DNAH2: variants seen among roughly 807,000 people sequenced by gnomAD.
The protein encoded by DNAH2 is dynein axonemal heavy chain 2.
A neutral mutation model predicts 523.5 loss-of-function variants in DNAH2; 323 were observed. The observed-to-expected ratio is 0.62, with a 90% confidence interval of 0.56 to 0.68. DNAH2 has a LOEUF of 0.68. Among genes scored for constraint, DNAH2 ranks in the 30% least tolerant of loss-of-function variants. The pLI is 0.00. For missense variants in DNAH2, 4,907 were observed against 5,701.5 expected (o/e 0.86, Z 4.49); for synonymous variants, 2,093 against 2,177.4 (o/e 0.96, Z 1.08).
At position 7,740,613 on chromosome 17, in the gene DNAH2, C is replaced by G. The variant is rs757186674; in HGVS notation, c.1506+64C>G. ...CGTGCTTTCCTGGAGTCCCTCCTTC[C>G]GGAGGCCCTCCTGCCTCCACGTGTG... On this transcript the variant is annotated intron_variant, in intron 10 of 85. Coordinates refer to ENST00000572933, the MANE Select transcript of DNAH2 (RefSeq NM_020877.5). 6.3e-6 allele frequency: 10 copies of G among 1,594,422 alleles called. No homozygotes were observed. In the East Asian group the frequency reaches 2.2e-4, roughly 36 times the overall value.
rs2151153238 is a variant in DNAH2, at chr17:7,740,895, A to C, written c.1592A>C (p.Asn531Thr). The change falls in exon 11 of 86, where the codon AAC (asparagine) becomes ACC (threonine). Residue 531 changes from asparagine to threonine, a missense_variant. By Grantham distance (65) the Asn-to-Thr change is moderately conservative. Coordinates refer to ENST00000572933, the MANE Select transcript of DNAH2 (RefSeq NM_020877.5). The stretch of plus-strand genomic sequence containing the variant: ...CTGGCCCTGGTGAACCGTGAACGGA[A>C]CAAGAAATGGCCAGACCTGGAGCCC... ...SELALVNRERNKKWPDLEPYV... is the reference protein window; with the variant it reads ...SELALVNRERTKKWPDLEPYV... 1 of 1,614,092 alleles carries C rather than the reference A, an allele frequency of 6.2e-7. No homozygotes were observed.
Position 7,796,520 on chromosome 17 carries a change from T to C in DNAH2, c.7731T>C (p.Phe2577=). 2 of 1,613,710 alleles carry C rather than the reference T, an allele frequency of 1.2e-6. No individual in the cohort carries two copies. Among genetic ancestry groups the C allele is most frequent in the East Asian group, 2.2e-5 (1 of 44,816 alleles). ...TGATCAATCAGAAGCTTCAGGACTT[T>C]GAGGAAGAGGTGAAGCCCATTGGGA... ...GTMINQKLQD[F]EEEVKPIGNV... is the part of the protein sequence containing the mutation. Residue 2577 remains phenylalanine, a synonymous_variant, in exon 50 of 86, where the codon TTT becomes TTC. Coordinates refer to ENST00000572933, the MANE Select transcript of DNAH2 (RefSeq NM_020877.5).
At position 7,786,135 on chromosome 17, in the gene DNAH2, C is replaced by T. The variant is rs140681557; in HGVS notation, c.6141C>T (p.Thr2047=). The change falls in exon 40 of 86, where the codon ACC becomes ACT. Residue 2047 remains threonine, a synonymous_variant. Coordinates refer to ENST00000572933, the MANE Select transcript of DNAH2 (RefSeq NM_020877.5). This position sits in a 1 kb window ranked among gnomAD's most constrained non-coding sequence, Gnocchi z 7.5. ...TTCCCTTCCCTCAGCTGCGGGAGAC[C>T]GTTGAGCAGGAGATTCGAGACATGG... ...PVIDYGKLRE[T]VEQEIRDMGL... 4.2e-4 allele frequency: 681 copies of T among 1,613,876 alleles called. No individual in the cohort carries two copies. Among genetic ancestry groups the T allele is most frequent in the Non-Finnish European group, 5.3e-4 (623 of 1,179,992 alleles).
At chr17:7,749,308 C>CATCAAAAAA (rs2075609034) in intron 12 of DNAH2, among the ~76,000 whole-genome samples, 1 of 17,766 alleles carries the variant, frequency 5.6e-5, no homozygotes, top group Admixed American at 9.3e-4. Flanking sequence ...AACTCCCCCC[C>CATCAAAAAA]AAAAAAAAAA....
intron 59 of DNAH2, 60 bp downstream of exon 59, chr17:7,804,526 G>A: frequency 1.3e-6 from 2 of 1,569,180 alleles, no homozygotes; most frequent in South Asian, 1.1e-5. Flanking sequence ...TACTGCGTCA[G>A]GGAACCCATG....
chr17:7,830,978 G>A (rs756729928), intron 79 of DNAH2, 108 bp from the exon 80 acceptor site: 6 of 1,502,516 alleles, frequency 4.0e-6, no homozygotes, highest in South Asian at 1.2e-5. Context: ...GAGATGGGGA[G>A]CAGGGCAGGG....
At chr17:7,815,343 G>A (rs2077630048) in intron 63 of DNAH2, among the ~76,000 whole-genome samples, 2 of 152,242 alleles carry the variant, frequency 1.3e-5, no homozygotes, top group African/African-American at 4.8e-5. Context: ...CACGATGTGG[G>A]CTGCCTTTCC....
chr17:7,788,237 A>G lies in DNAH2; in HGVS notation c.6893A>G (p.Glu2298Gly). 1 of 1,585,512 alleles carries G rather than the reference A, an allele frequency of 6.3e-7. No homozygotes were observed. The highest frequency in any genetic ancestry group is 8.6e-7 in the Non-Finnish European group (1 of 1,165,594). ...CKLYSALATPENGVNPADGEN... is the reference protein window; with the variant it reads ...CKLYSALATPGNGVNPADGEN... ...CTGTACTCTGCCCTGGCCACGCCAG[A>G]GAATGGGGTAAGGGGAGGACACAGA... The change falls in exon 44 of 86, where the codon GAG becomes GGG. Residue 2298 changes from glutamate to glycine, a missense_variant. Coordinates refer to ENST00000572933, the MANE Select transcript of DNAH2 (RefSeq NM_020877.5).
In DNAH2 at chr17:7,733,101, T is replaced by C; in HGVS notation, c.414T>C (p.Leu138=). The C allele has an allele frequency of 6.2e-7, 1 of 1,614,170 alleles. No individual in the cohort carries two copies. Among genetic ancestry groups the C allele is most frequent in the Non-Finnish European group, 8.5e-7 (1 of 1,180,040 alleles). ...CTTCCATGCAGACCCAGAACCAGCT[T>C]GTCTACTTCATTCGCCAAGCACCAG... ...LGMPVQTQNQ[L]VYFIRQAPVP... is the part of the protein sequence containing the mutation. Residue 138 remains leucine, a synonymous_variant, in exon 5 of 86, where the codon CTT becomes CTC. Coordinates refer to ENST00000572933, the MANE Select transcript of DNAH2 (RefSeq NM_020877.5).
At chr17:7,773,845 T>G (rs1487167400) in intron 28 of DNAH2, among the ~76,000 whole-genome samples, 1 of 152,142 alleles carries the variant, frequency 6.6e-6, no homozygotes, top group Non-Finnish European at 1.5e-5. Context: ...TTCTCCTGCC[T>G]CAGCCTCCCG....
chr17:7,778,988 T>C (rs2076532823), intron 35 of DNAH2, among the ~76,000 whole-genome samples: 1 of 152,034 alleles, frequency 6.6e-6, no homozygotes, highest in Non-Finnish European at 1.5e-5. Flanking sequence ...TGGAGCAGAG[T>C]AGACAGTGCA....
intron 2 of DNAH2, among the ~76,000 whole-genome samples, chr17:7,723,007 T>C (rs1250283673): frequency 2.0e-5 from 3 of 147,788 alleles, no homozygotes; most frequent in Non-Finnish European, 4.5e-5. Flanking sequence ...CTTCGCTCTG[T>C]TGCCCAGGCT....
At chr17:7,744,753 A>G (rs1209978248) in intron 12 of DNAH2, among the ~76,000 whole-genome samples, 1 of 152,136 alleles carries the variant, frequency 6.6e-6, no homozygotes, top group African/African-American at 2.4e-5. Flanking sequence ...AGACTGAGAA[A>G]CTAGGCCAGA....
chr17:7,799,145 C>T lies in DNAH2; in HGVS notation c.8602C>T (p.Pro2868Ser). 1 of 1,614,196 alleles carries T rather than the reference C, an allele frequency of 6.2e-7. No homozygotes were observed. The highest frequency in any genetic ancestry group is 8.5e-7 in the Non-Finnish European group (1 of 1,180,036). The stretch of plus-strand genomic sequence containing the variant: ...AGACCAGGCCCGGGTGGAGCAGGTG[C>T]CTGAGTCATCGGACAGCCTCTTCGC... ...IIDQARVEQV[P>S]ESSDSLFAYL... is the part of the protein sequence containing the mutation. The change falls in exon 56 of 86, where the codon CCT becomes TCT. Residue 2868 changes from proline to serine, a missense_variant. By Grantham distance (74) the Pro-to-Ser change is moderately conservative. This residue lies in a region of DNAH2 where 1,851 missense variants were observed against 2,139.4 expected (regional missense o/e 0.87). Coordinates refer to ENST00000572933, the MANE Select transcript of DNAH2 (RefSeq NM_020877.5).
Position 7,765,435 on chromosome 17 carries a change from C to G in DNAH2, c.3381C>G (p.Phe1127Leu). The change falls in exon 21 of 86, where the codon TTC (phenylalanine) becomes TTG (leucine). Residue 1127 changes from phenylalanine to leucine, a missense_variant. Coordinates refer to ENST00000572933, the MANE Select transcript of DNAH2 (RefSeq NM_020877.5). ...GTCTCAACGGGGAGTGGGTTGTCTTCCAACAAACTCTGCTGGACAGTAAGC... is the reference window on the plus strand; with the variant it reads ...GTCTCAACGGGGAGTGGGTTGTCTTGCAACAAACTCTGCTGGACAGTAAGC... ...LDSLNGEWVVFQQTLLDSKQM... is the reference protein window; with the variant it reads ...LDSLNGEWVVLQQTLLDSKQM... 1.9e-6 allele frequency: 3 copies of G among 1,614,174 alleles called. No homozygotes were observed. The South Asian group carries it at 3.3e-5, about 18-fold the overall frequency.
chr17:7,743,639 C>G (rs1429465185), intron 12 of DNAH2: 1 of 387,770 alleles, frequency 2.6e-6, no homozygotes, highest in East Asian at 5.0e-5. Context: ...ACACTCCAGC[C>G]TGGGCGACAG....
intron 31 of DNAH2, 45 bp downstream of exon 31, chr17:7,776,194 G>A (rs769275897): frequency 1.4e-5 from 22 of 1,598,728 alleles, no homozygotes; most frequent in South Asian, 1.0e-4. Context: ...GGCTGGGCAC[G>A]GTGGCTCACG....
At chr17:7,794,864 C>T (rs2077020359) in intron 49 of DNAH2, among the ~76,000 whole-genome samples, 1 of 151,088 alleles carries the variant, frequency 6.6e-6, no homozygotes, top group Non-Finnish European at 1.5e-5. Context: ...AAGTGATTCT[C>T]CTGCCTCAGC....
chr17:7,742,065 A>G (rs1038364158), intron 11 of DNAH2, among the ~76,000 whole-genome samples: 1 of 152,206 alleles, frequency 6.6e-6, no homozygotes, highest in African/African-American at 2.4e-5. Flanking sequence ...AGACCTGGAC[A>G]GGTGACACCC....
Sources: gnomAD v4.1 joint callset for allele counts (sites outside exome capture counted in the v4.1 genomes callset) on GRCh38, gnomAD v4.1.1 for gene constraint, gnomAD v4.1.1 regional missense constraint, Gnocchi (gnomAD v3.1) non-coding constraint, MANE v1.5 for transcripts, NCBI Gene and HGNC (gene_info 2026-07-23, HGNC 2026-07-21) for gene names.